Variants in MARS1 observed in about 807,000 individuals in gnomAD.
MARS1 encodes the protein methionine--tRNA ligase, cytoplasmic.
A neutral mutation model predicts 119.5 loss-of-function variants in MARS1; 80 were observed. The observed-to-expected ratio is 0.67, with a 90% CI of 0.56 to 0.81. The LOEUF (loss-of-function observed/expected upper bound fraction) is 0.81, where lower values mean the gene tolerates loss of function less well. Ranked by LOEUF, MARS1 falls within the 30% of genes least tolerant of loss-of-function variation. The pLI is 0.00. For missense variants in MARS1, 945 were observed against 1,116.5 expected (o/e 0.85, Z 2.19); for synonymous variants, 418 against 433.4 (o/e 0.96, Z 0.44).
intron 10 of MARS1, 127 bp from the exon 11 acceptor site, chr12:57,504,098 T>C (rs1156995150): frequency 2.9e-6 from 2 of 678,992 alleles, no homozygotes; most frequent in African/African-American, 1.8e-5. Flanking sequence ...GTAGAGTTAT[T>C]GGAGTGTGAG....
intron 7 of MARS1, among the ~76,000 whole-genome samples, chr12:57,495,037 G>T (rs1295814432): frequency 6.6e-6 from 1 of 152,256 alleles, no homozygotes; most frequent in South Asian, 2.1e-4. Context: ...TCCCAGATGG[G>T]GTGGCGGCCG....
At chr12:57,490,780 C>CTT (rs35674919) in intron 7 of MARS1, 136 bp downstream of exon 7, 3,505 of 253,328 alleles carry the variant, frequency 0.014, 23 homozygotes, top group African/African-American at 0.047. Flanking sequence ...TCTTACATCT[C>CTT]TTTTTTTTTT....
At chr12:57,516,368 A>G in intron 20 of MARS1, 31 bp downstream of exon 20, 1 of 1,613,446 alleles carries the variant, frequency 6.2e-7, no homozygotes, top group South Asian at 1.1e-5. Flanking sequence ...GGGAGACTGG[A>G]CAAGCTGAAT....
rs745584505 is a variant in MARS1, at chr12:57,498,520, C to A, written c.988C>A (p.Gln330Lys). 1.9e-5 allele frequency: 31 copies of A among 1,614,096 alleles called. No homozygotes were observed. The highest frequency in any genetic ancestry group is 2.6e-5 in the Non-Finnish European group (31 of 1,180,048). Reference sequence around the variant, plus strand: ...GGCTCTGGAGGAGGGACTAACCCCCCAGGAGATCTGCGACAAGTACCACAT... The same window carrying A: ...GGCTCTGGAGGAGGGACTAACCCCCAAGGAGATCTGCGACAAGTACCACAT... The part of the protein sequence containing the change: ...TKALEEGLTP[Q>K]EICDKYHIIH... Residue 330 changes from glutamine (Q) to lysine (K), a missense_variant, in exon 9 of 21, where the codon CAG becomes AAG. Physicochemically the swap from Gln to Lys is moderately conservative, Grantham distance 53. Transcript: ENST00000262027.
intron 11 of MARS1, among the ~76,000 whole-genome samples, chr12:57,511,155 A>AAT (rs1877495362): frequency 1.3e-5 from 2 of 150,182 alleles, no homozygotes; most frequent in Non-Finnish European, 3.0e-5. Flanking sequence ...AAAAAAAAAA[A>AAT]TTTTTTTTAG....
intron 11 of MARS1, among the ~76,000 whole-genome samples, chr12:57,510,287 C>T (rs1227239040): frequency 6.6e-6 from 1 of 151,848 alleles, no homozygotes; most frequent in Non-Finnish European, 1.5e-5. Context: ...TCCTGGCCAA[C>T]GTGGTGAAAC....
chr12:57,507,888 C>A (rs1254857304), intron 11 of MARS1, among the ~76,000 whole-genome samples: 2 of 151,566 alleles, frequency 1.3e-5, no homozygotes, highest in African/African-American at 4.8e-5. Flanking sequence ...GGCGGAGGGG[C>A]TCCTCACTTC....
chr12:57,498,261 A>C lies in MARS1; in HGVS notation c.875A>C (p.Asp292Ala), dbSNP rs202096486. The C allele has an allele frequency of 1.2e-6, 2 of 1,614,006 alleles. No individual in the cohort carries two copies. The highest frequency in any genetic ancestry group is 1.3e-5 in the African/African-American group (1 of 75,010). ...GNIIGCVLSA[D>A]VFARYSRLRQ... ...ATCATTGGTTGTGTGCTCAGTGCCG[A>C]TGTCTTTGCCAGGTGGAGCCAGCTG... The change falls in exon 8 of 21, where the codon GAT becomes GCT. Residue 292 changes from aspartate (D) to alanine (A), a missense_variant. By Grantham distance (126) the Asp-to-Ala change is moderately radical. Transcript: ENST00000262027.
intron 15 of MARS1, among the ~76,000 whole-genome samples, chr12:57,513,493 A>G (rs1877621966): frequency 6.6e-6 from 1 of 151,744 alleles, no homozygotes; most frequent in South Asian, 2.1e-4. Context: ...GCACACCTGT[A>G]GTCCCAGCCA....
intron 7 of MARS1, among the ~76,000 whole-genome samples, chr12:57,497,447 G>T (rs573445814): frequency 3.3e-4 from 50 of 152,304 alleles, no homozygotes; most frequent in African/African-American, 1.2e-3. Context: ...TGTAGTGTCA[G>T]TGCTAAAGAG....
intron 7 of MARS1, among the ~76,000 whole-genome samples, chr12:57,495,954 A>C (rs938410368): frequency 6.6e-6 from 1 of 152,256 alleles, no homozygotes; most frequent in Non-Finnish European, 1.5e-5. Context: ...GCGGCAGTAC[A>C]GTCCGGCCTC....
chr12:57,507,466 T>C lies in MARS1; in HGVS notation c.1368+3167T>C, dbSNP rs1204251547. ...CCCCTCACCTCCCGGACGGGGCGGC[T>C]GGCCGGGCGGGGGGCTGACCCCCCC... On this transcript the variant is annotated intron_variant, in intron 11 of 20. Transcript: ENST00000262027. Among the ~76,000 whole-genome samples the C allele has an allele frequency of 1.1e-4, 7 of 64,282 alleles. 1 individual carries two copies. Among genetic ancestry groups the C allele is most frequent in the Non-Finnish European group, 2.6e-4 (7 of 27,318 alleles). The allele number at this position is 64,282 out of a possible 152,430, so 42.2% of individuals were successfully genotyped here.
chr12:57,515,520 A>G, intron 18 of MARS1, 184 bp downstream of exon 18: 3 of 630,930 alleles, frequency 4.8e-6, no homozygotes, highest in Non-Finnish European at 8.1e-6. Flanking sequence ...ATTGTTCTTC[A>G]TGCCAGAAAC....
chr12:57,504,430 C>T, intron 11 of MARS1, 131 bp downstream of exon 11: 2 of 727,328 alleles, frequency 2.7e-6, no homozygotes, highest in Non-Finnish European at 4.7e-6. Flanking sequence ...ATACTATTGT[C>T]AAGAGATGAA....
chr12:57,488,918 CT>C, intron 1 of MARS1, 100 bp from the exon 2 acceptor site: 2 of 997,478 alleles, frequency 2.0e-6, no homozygotes, highest in Non-Finnish European at 3.1e-6. Flanking sequence ...GCCCATCTTT[CT>C]TTTTTTACTC....
intron 11 of MARS1, among the ~76,000 whole-genome samples, chr12:57,509,708 C>T (rs1392565450): frequency 6.6e-6 from 1 of 152,102 alleles, no homozygotes; most frequent in African/African-American, 2.4e-5. Context: ...TCGTGCCTGG[C>T]CAGTTGGTAT....
intron 9 of MARS1, among the ~76,000 whole-genome samples, chr12:57,499,465 G>A (rs1259675987): frequency 9.9e-5 from 15 of 150,986 alleles, no homozygotes; most frequent in African/African-American, 3.2e-4. Context: ...TTAACCAGGC[G>A]TGGTGGTGGG....
chr12:57,491,350 A>G (rs746941142), intron 7 of MARS1, among the ~76,000 whole-genome samples: 1 of 152,134 alleles, frequency 6.6e-6, no homozygotes, highest in Non-Finnish European at 1.5e-5. Context: ...TTCCTGCTAA[A>G]TGCCCTTTTA....
At position 57,488,132 on chromosome 12, in the gene MARS1, G is replaced by T. The variant is rs144002827; in HGVS notation, c.42G>T (p.Pro14=). The part of the protein sequence containing the change: ...FVSDGVPGCL[P]VLAAAGRARG... ...GTGATGGCGTCCCGGGTTGCTTGCCGGTGCTGGCCGCCGCCGGGAGAGCCC... is the reference window on the plus strand; with the variant it reads ...GTGATGGCGTCCCGGGTTGCTTGCCTGTGCTGGCCGCCGCCGGGAGAGCCC... Residue 14 remains proline, a synonymous_variant, in exon 1 of 21, where the codon CCG becomes CCT. Coordinates refer to ENST00000262027, the MANE Select transcript of MARS1 (RefSeq NM_004990.4). The T allele has an allele frequency of 7.2e-5, 116 of 1,614,174 alleles. No individual in the cohort carries two copies. In the African/African-American group the frequency reaches 1.1e-3, roughly 15 times the overall value.
Sources: gnomAD v4.1 joint callset for allele counts (sites outside exome capture counted in the v4.1 genomes callset) on GRCh38, gnomAD v4.1.1 for gene constraint, MANE v1.5 for transcripts, NCBI Gene and HGNC (gene_info 2026-07-23, HGNC 2026-07-21) for gene names.